ZNF18: variants seen among roughly 807,000 people sequenced by gnomAD.
ZNF18 encodes zinc finger protein 18, also known as heart development-specific gene 1 protein.
In ZNF18, 42 loss-of-function variants were observed where a neutral mutation model predicts 58.1. The observed-to-expected ratio is 0.72, with a 90% confidence interval of 0.56 to 0.93. The LOEUF (loss-of-function observed/expected upper bound fraction) is 0.93. ZNF18 is among the 40% of genes least tolerant of loss of function. The pLI, the probability that ZNF18 is intolerant of heterozygous loss-of-function variation, is 0.00. For missense variants in ZNF18, 540 were observed against 644.2 expected, an observed-to-expected ratio of 0.84 and a Z score of 1.75; for synonymous variants, 231 against 239.8, an observed-to-expected ratio of 0.96 and a Z score of 0.34.
intron 1 of ZNF18, among the ~76,000 whole-genome samples, chr17:11,996,071 T>C (rs1313586753): frequency 6.6e-6 from 1 of 152,040 alleles, no homozygotes; most frequent in South Asian, 2.1e-4. Flanking sequence ...TAACAATAAC[T>C]AGAAAATCCC....
At chr17:12,020,859 G>A in the ZNF18 span, 3 of 1,043,612 alleles carry the variant, frequency 2.9e-6, no homozygotes, top group African/African-American at 1.7e-5. Context: ...CAGCCGCCGC[G>A]GCGCCGCTCG....
chr17:11,988,298 A>G (rs930943335), intron 4 of ZNF18, among the ~76,000 whole-genome samples: 4 of 152,226 alleles, frequency 2.6e-5, no homozygotes, highest in African/African-American at 9.6e-5. Flanking sequence ...AAGCAAATTC[A>G]GTGAGCTCTA....
At chr17:11,991,249 T>G in intron 2 of ZNF18, 86 bp from the exon 3 acceptor site, 1 of 1,168,590 alleles carries the variant, frequency 8.6e-7, no homozygotes. Context: ...CTACAACAGA[T>G]CATAAGACAA....
At chr17:12,011,164 T>C in the ZNF18 span, 6,331 of 592,446 alleles carry the variant, frequency 0.011, 69 homozygotes, top group South Asian at 0.015. Flanking sequence ...ACTCCATGTT[T>C]TCTAAAACTC....
At chr17:12,014,923 C>T in the ZNF18 span, among the ~76,000 whole-genome samples, 1 of 152,060 alleles carries the variant, frequency 6.6e-6, no homozygotes, top group African/African-American at 2.4e-5. Context: ...TGGCGGGTGC[C>T]TGTAGTCCCA....
chr17:12,012,731 A>C, the ZNF18 span, among the ~76,000 whole-genome samples: 1 of 152,078 alleles, frequency 6.6e-6, no homozygotes, highest in Non-Finnish European at 1.5e-5. Flanking sequence ...ACTGGAGTGC[A>C]ATGGCATGAT....
rs929141696 is a variant in ZNF18, at chr17:11,983,532, C to T, written c.752-125G>A. The T allele has an allele frequency of 1.1e-5, 8 of 702,720 alleles. No homozygotes were observed. The East Asian group carries it at 1.8e-4, about 16-fold the overall frequency. The allele number at this position is 702,720 out of a possible 1,614,324, so 43.5% of individuals were successfully genotyped here. A position where few individuals can be genotyped will look rare whatever the true frequency, so the allele number is the denominator to read the frequency against. Reference sequence around the variant, plus strand: ...TGAAGGCTCTGGACACTTGCAGAAACTCACCTTAGAACAGTGTGTGGAGCT... The same window carrying T: ...TGAAGGCTCTGGACACTTGCAGAAATTCACCTTAGAACAGTGTGTGGAGCT... On this transcript the variant is annotated intron_variant, in intron 5 of 6. Transcript: ENST00000580306.
chr17:12,016,889 T>C, the ZNF18 span, among the ~76,000 whole-genome samples: 1 of 152,126 alleles, frequency 6.6e-6, no homozygotes, highest in South Asian at 2.1e-4. Flanking sequence ...ATATGCATGA[T>C]TATTAATAGT....
intron 4 of ZNF18, among the ~76,000 whole-genome samples, chr17:11,987,129 A>T (rs1967801494): frequency 6.6e-6 from 1 of 152,196 alleles, no homozygotes; most frequent in African/African-American, 2.4e-5. Flanking sequence ...TGATGGGAAA[A>T]TTCTATTTTT....
At chr17:12,013,069 A>G in the ZNF18 span, among the ~76,000 whole-genome samples, 39 of 151,988 alleles carry the variant, frequency 2.6e-4, 1 homozygote, top group Middle Eastern at 3.4e-3. Context: ...CTCCTGCCTC[A>G]GCCTCCCAAG....
intron 1 of ZNF18, among the ~76,000 whole-genome samples, chr17:11,994,705 G>C (rs1414430271): frequency 6.6e-6 from 1 of 152,142 alleles, no homozygotes; most frequent in Non-Finnish European, 1.5e-5. Context: ...GCCAGGCGTG[G>C]TGGCGGGCGC....
intron 6 of ZNF18, among the ~76,000 whole-genome samples, chr17:11,982,351 A>T (rs1967414840): frequency 6.6e-6 from 1 of 152,142 alleles, no homozygotes; most frequent in Non-Finnish European, 1.5e-5. Flanking sequence ...TTTCCTCTTC[A>T]ATCTTATTGT....
the ZNF18 span, among the ~76,000 whole-genome samples, chr17:12,013,994 C>T: frequency 6.6e-6 from 1 of 152,138 alleles, no homozygotes; most frequent in East Asian, 1.9e-4. Context: ...TTTGGTAACT[C>T]CTCTTGAAAT....
chr17:11,992,950 G>A, intron 1 of ZNF18, 39 bp from the exon 2 acceptor site: 1 of 1,188,762 alleles, frequency 8.4e-7, no homozygotes, highest in Non-Finnish European at 1.1e-6. Flanking sequence ...ACAGAGGAAG[G>A]GGACACATTT....
In ZNF18 at chr17:11,992,443, C is replaced by T; in HGVS notation, c.387G>A (p.Trp129Ter). The change falls in exon 2 of 7, where the codon TGG becomes TGA. Residue 129 changes from tryptophan (W) to a stop codon, truncating the protein, a stop_gained and splice_region_variant. Coordinates refer to ENST00000580306, the MANE Select transcript of ZNF18 (RefSeq NM_001303281.2). LOFTEE classifies it high-confidence loss of function. ...LKGDPQRLWQ[W>*]ISIQVLGQDI... ...GCAGATCATAATACCCTCTGCTTAC[C>T]CATTGCCACAGTCTCTGGGGGTCCC... 6.2e-7 allele frequency: 1 copy of T among 1,613,152 alleles called. No homozygotes were observed. The highest frequency in any genetic ancestry group is 8.5e-7 in the Non-Finnish European group (1 of 1,179,390).
the ZNF18 span, among the ~76,000 whole-genome samples, chr17:12,005,653 G>C: frequency 1.3e-5 from 2 of 152,208 alleles, no homozygotes; most frequent in South Asian, 4.1e-4. Context: ...TTTAGAACCC[G>C]ACTTTAAAAC....
At chr17:12,007,960 A>G in the ZNF18 span, among the ~76,000 whole-genome samples, 4 of 152,280 alleles carry the variant, frequency 2.6e-5, no homozygotes, top group African/African-American at 4.8e-5. Flanking sequence ...AAAAAAATCC[A>G]TAATGTGGTG....
the ZNF18 span, among the ~76,000 whole-genome samples, chr17:12,018,672 G>A: frequency 6.6e-6 from 1 of 152,140 alleles, no homozygotes; most frequent in African/African-American, 2.4e-5. Flanking sequence ...GTGAGCATAA[G>A]AAAAAGTTAA....
At chr17:11,978,844 T>A in intron 6 of ZNF18, 100 bp from the exon 7 acceptor site, 3 of 646,654 alleles carry the variant, frequency 4.6e-6, no homozygotes, top group East Asian at 3.2e-5. Flanking sequence ...CATTTTCTTT[T>A]TTTTTTTTTT....
Sources: allele counts gnomAD v4.1 joint callset (sites outside exome capture counted in the v4.1 genomes callset), GRCh38; gene constraint gnomAD v4.1.1; transcripts MANE v1.5; gene names NCBI Gene and HGNC (gene_info 2026-07-23, HGNC 2026-07-21).